TSPAN14: variants seen among roughly 807,000 people sequenced by gnomAD.
TSPAN14 encodes tetraspanin-14.
A neutral mutation model predicts 36.6 loss-of-function variants in TSPAN14; 16 were observed. That is an observed-to-expected ratio of 0.44 (90% CI 0.30 to 0.66). The LOEUF (loss-of-function observed/expected upper bound fraction) is 0.66, where lower values mean the gene tolerates loss of function less well. TSPAN14 is among the 30% of genes least tolerant of loss of function. The pLI is 0.12. For missense variants in TSPAN14, 231 were observed against 355.1 expected (o/e 0.65, Z 2.81); for synonymous variants, 139 against 143.8 (o/e 0.97, Z 0.24).
intron 1 of TSPAN14, among the ~76,000 whole-genome samples, chr10:80,471,993 A>G (rs1281279390): frequency 6.6e-6 from 1 of 152,144 alleles, no homozygotes; most frequent in East Asian, 1.9e-4. Flanking sequence ...TGGGCAACAT[A>G]GGGAGACCCC....
Position 80,512,134 on chromosome 10 carries a change from G to A in TSPAN14, c.451-10G>A, listed in dbSNP as rs1312861177. 6.2e-7 allele frequency: 1 copy of A among 1,614,128 alleles called. No individual in the cohort carries two copies. The highest frequency in any genetic ancestry group is 8.5e-7 in the Non-Finnish European group (1 of 1,179,968). On this transcript the variant is annotated splice_polypyrimidine_tract_variant and intron_variant, in intron 5 of 8. Transcript: ENST00000429989. ...GGAGCCCCTAACAGTTCTGGCTTTT[G>A]TGGTTGCAGAACCAGTGCTGTGGCG...
At chr10:80,507,796 A>C (rs764082799) in intron 4 of TSPAN14, among the ~76,000 whole-genome samples, 1 of 152,226 alleles carries the variant, frequency 6.6e-6, no homozygotes, top group African/African-American at 2.4e-5. Context: ...CAGAATCCCA[A>C]ATTTCCTGGC....
Position 80,501,987 on chromosome 10 carries a change from C to T in TSPAN14, c.82-2741C>T, listed in dbSNP as rs961648368. Among the ~76,000 whole-genome samples, 9 of 152,136 alleles carry T rather than the reference C, an allele frequency of 5.9e-5. No individual in the cohort carries two copies. In the East Asian group the frequency reaches 1.5e-3, roughly 26 times the overall value. On this transcript the variant is annotated intron_variant, in intron 2 of 8. Coordinates refer to ENST00000429989, the Ensembl canonical transcript of TSPAN14. ...GGGGAGACACAATAGAGAGACAGCC[C>T]CTGTGGTCTGGGATCAGTGCCGCGA... is the stretch of plus-strand genomic sequence containing the variant.
At position 80,506,829 on chromosome 10, in the gene TSPAN14, G is replaced by A. The variant is rs145176239; in HGVS notation, c.133-399G>A. 2.0e-5 allele frequency among the ~76,000 whole-genome samples: 3 copies of A among 152,352 alleles called. No individual in the cohort carries two copies. In the East Asian group the frequency reaches 5.8e-4, roughly 29 times the overall value. Reference sequence around the variant, plus strand: ...TCATATTGAGGCTGTTTTCATCTCAGAAGAGTAGTGTTCTTCATTAATTAG... The same window carrying A: ...TCATATTGAGGCTGTTTTCATCTCAAAAGAGTAGTGTTCTTCATTAATTAG... On this transcript the variant is annotated intron_variant, in intron 3 of 8. Coordinates refer to ENST00000429989, the Ensembl canonical transcript of TSPAN14.
At chr10:80,471,582 T>G (rs1292544601) in intron 1 of TSPAN14, among the ~76,000 whole-genome samples, 1 of 152,210 alleles carries the variant, frequency 6.6e-6, no homozygotes, top group African/African-American at 2.4e-5. Context: ...AACAGGCCTG[T>G]CATGATGATC....
intron 1 of TSPAN14, among the ~76,000 whole-genome samples, chr10:80,460,809 C>T (rs1376078478): frequency 6.6e-5 from 10 of 152,180 alleles, no homozygotes; most frequent in Non-Finnish European, 1.3e-4. Context: ...TTTTCTGCCC[C>T]CTGAAGCTGA....
At chr10:80,462,145 G>A (rs1049416395) in intron 1 of TSPAN14, among the ~76,000 whole-genome samples, 1 of 152,058 alleles carries the variant, frequency 6.6e-6, no homozygotes, top group Non-Finnish European at 1.5e-5. Flanking sequence ...AAACTCCTGG[G>A]CACTTGATTT....
intron 5 of TSPAN14, among the ~76,000 whole-genome samples, chr10:80,510,202 C>T (rs1051080292): frequency 2.0e-5 from 3 of 152,234 alleles, no homozygotes; most frequent in African/African-American, 7.2e-5. Flanking sequence ...GAAAGCCCAG[C>T]TTCCTTAAGA....
chr10:80,461,520 G>A (rs1268662084), intron 1 of TSPAN14, among the ~76,000 whole-genome samples: 1 of 152,202 alleles, frequency 6.6e-6, no homozygotes, highest in Admixed American at 6.5e-5. Context: ...GTTGGTGGTA[G>A]TGGTGGGGGA....
chr10:80,501,129 T>G (rs1359364080), intron 2 of TSPAN14, among the ~76,000 whole-genome samples: 4 of 151,508 alleles, frequency 2.6e-5, no homozygotes, highest in East Asian at 3.9e-4. Context: ...TCTTTTTTTT[T>G]GGGAGACCTG....
In TSPAN14 at chr10:80,484,924, C is replaced by A. The variant is rs1033911957; in HGVS notation, c.-17-4293C>A. On this transcript the variant is annotated intron_variant, in intron 1 of 8. Transcript: ENST00000429989. ...GTTGTTATTTGCTTATTATTTAACT[C>A]CCCTCAAGTTGCTAACCAGTTATCT... 7.9e-5 allele frequency among the ~76,000 whole-genome samples: 12 copies of A among 152,274 alleles called. No individual in the cohort carries two copies. In the East Asian group the frequency reaches 2.3e-3, roughly 29 times the overall value.
chr10:80,483,911 C>CAAA (rs57795678), intron 1 of TSPAN14, among the ~76,000 whole-genome samples: 2 of 16,528 alleles, frequency 1.2e-4, no homozygotes, highest in Non-Finnish European at 2.2e-4. Flanking sequence ...ACTCTTGTCT[C>CAAA]AAAAAAAAAA....
chr10:80,490,797 T>C (rs914493534), intron 2 of TSPAN14, among the ~76,000 whole-genome samples: 2 of 152,150 alleles, frequency 1.3e-5, no homozygotes, highest in African/African-American at 4.8e-5. Flanking sequence ...AGATATAGCA[T>C]GTGTTTATTG....
At chr10:80,514,689 A>G (rs1840837135) in intron 7 of TSPAN14, among the ~76,000 whole-genome samples, 1 of 152,112 alleles carries the variant, frequency 6.6e-6, no homozygotes, top group Non-Finnish European at 1.5e-5. Flanking sequence ...ATGTGTCCCT[A>G]CAGCTTGGGG....
intron 1 of TSPAN14, among the ~76,000 whole-genome samples, chr10:80,473,193 C>T (rs1232470239): frequency 6.6e-6 from 1 of 152,192 alleles, no homozygotes; most frequent in Non-Finnish European, 1.5e-5. Flanking sequence ...CCCAGTGCTT[C>T]TCCCACTGAG....
chr10:80,517,752 C>A (rs1841012829), intron 8 of TSPAN14, among the ~76,000 whole-genome samples, 153 bp from the exon 9 acceptor site: 1 of 152,178 alleles, frequency 6.6e-6, no homozygotes, highest in African/African-American at 2.4e-5. Context: ...CTGTGCTGTG[C>A]CACTCGCTCT....
At chr10:80,507,005 G>A (rs1167034738) in intron 3 of TSPAN14, among the ~76,000 whole-genome samples, 2 of 152,326 alleles carry the variant, frequency 1.3e-5, no homozygotes, top group Non-Finnish European at 2.9e-5. Flanking sequence ...TGTAGCGTAG[G>A]TGGAGGCCAG....
chr10:80,509,325 T>A lies in TSPAN14; in HGVS notation c.304T>A (p.Phe102Ile), dbSNP rs1348275255. The A allele has an allele frequency of 6.2e-7, 1 of 1,614,076 alleles. No individual in the cohort carries two copies. The highest frequency in any genetic ancestry group is 1.7e-5 in the Admixed American group (1 of 60,024). ...GTTCTGTGGCACCATCGTGCTCATC[T>A]TCTTCCTGGAGCTGGCTGTGGCCGT... is the stretch of plus-strand genomic sequence containing the variant. The change falls in exon 5 of 9, where the codon TTC becomes ATC. Residue 102 changes from phenylalanine (F) to isoleucine (I), a missense_variant. Phe to Ile is a conservative substitution (Grantham distance 21). Transcript: ENST00000429989. This position sits in a 1 kb window ranked among gnomAD's most constrained non-coding sequence, Gnocchi z 4.7.
At chr10:80,473,755 C>CG (rs1378930720) in intron 1 of TSPAN14, among the ~76,000 whole-genome samples, 2 of 149,210 alleles carry the variant, frequency 1.3e-5, no homozygotes. Context: ...TCACATGCCA[C>CG]GGTGTCTGAT....
Sources: gnomAD v4.1 joint callset for allele counts (sites outside exome capture counted in the v4.1 genomes callset) on GRCh38, gnomAD v4.1.1 for gene constraint, Gnocchi (gnomAD v3.1) non-coding constraint, MANE v1.5 for transcripts, NCBI Gene and HGNC (gene_info 2026-07-23, HGNC 2026-07-21) for gene names.